PDGFRB: variants seen among roughly 807,000 people sequenced by gnomAD.
PDGFRB encodes the protein platelet-derived growth factor receptor beta.
In PDGFRB, 42 loss-of-function variants were observed where a neutral mutation model predicts 120.2. That is an observed-to-expected ratio of 0.35 (90% CI 0.27 to 0.45). PDGFRB has a LOEUF of 0.45. Ranked by LOEUF, PDGFRB falls within the 20% of genes least tolerant of loss-of-function variation. The pLI is 1.00. For missense variants in PDGFRB, 1,149 were observed against 1,476.3 expected (o/e 0.78, Z 3.63); for synonymous variants, 586 against 606.8 (o/e 0.97, Z 0.50).
At position 150,114,813 on chromosome 5, in the gene PDGFRB, T is replaced by G. The variant is rs1373001274; in HGVS notation, c.*950A>C. The G allele has an allele frequency of 8.6e-6, 2 of 233,470 alleles. No homozygotes were observed. Among genetic ancestry groups the G allele is most frequent in the African/African-American group, 4.4e-5 (2 of 45,318 alleles). 14.5% of individuals were successfully genotyped at this position (233,470 alleles called of 1,614,324 possible). A position where few individuals can be genotyped will look rare whatever the true frequency, so the allele number is the denominator to read the frequency against. ...AGAGTTAATAAGTCCGACTTATTCA[T>G]TTTTTGAAGGGGAAACTGAGGCCCA... is the stretch of plus-strand genomic sequence containing the variant. On this transcript the variant is annotated 3_prime_UTR_variant, in exon 23 of 23. Coordinates refer to ENST00000261799, the MANE Select transcript of PDGFRB (RefSeq NM_002609.4).
chr5:150,121,881 A>G lies in PDGFRB; in HGVS notation c.2343T>C (p.Ser781=). ...TACTATGTCACTATGTCCACCCACC[A>G]GAGGGAACGTAGTTATCGTAAGGGG... ...YMAPYDNYVP[S]APERTCRATL... is the part of the protein sequence containing the mutation. The change falls in exon 16 of 23, where the codon TCT becomes TCC. Residue 781 remains serine (S), a splice_region_variant and synonymous_variant. Transcript: ENST00000261799. The surrounding 1 kb of genome is among the most constrained non-coding windows in gnomAD (Gnocchi z 4.1). 6.2e-7 allele frequency: 1 copy of G among 1,610,158 alleles called. No individual in the cohort carries two copies. The highest frequency in any genetic ancestry group is 8.5e-7 in the Non-Finnish European group (1 of 1,176,472).
In PDGFRB at chr5:150,120,646, C is replaced by G. The variant is rs1286806645; in HGVS notation, c.2586+242G>C. Among the ~76,000 whole-genome samples the G allele has an allele frequency of 1.3e-5, 2 of 152,180 alleles. No homozygotes were observed. Among genetic ancestry groups the G allele is most frequent in the Admixed American group, 6.5e-5 (1 of 15,278 alleles). ...TTCGGCCTGTTCCCCCTTCCCCCAC[C>G]CTGGACCCATTATAGCCAGCCCTCC... On this transcript the variant is annotated intron_variant, in intron 18 of 22. Transcript: ENST00000261799. The surrounding 1 kb of genome is among the most constrained non-coding windows in gnomAD (Gnocchi z 4.3).
chr5:150,135,095 T>C, intron 3 of PDGFRB, 79 bp from the exon 4 acceptor site: 1 of 744,584 alleles, frequency 1.3e-6, no homozygotes, highest in Non-Finnish European at 2.3e-6. Context: ...GGCAAGTCAT[T>C]TGCCATCTCT....
rs181069448 is a variant in PDGFRB at position 150,149,900 on chromosome 5, C to T, written c.-7+5497G>A. Among the ~76,000 whole-genome samples, 28 of 152,226 alleles carry T rather than the reference C, an allele frequency of 1.8e-4. No homozygotes were observed. In the East Asian group the frequency reaches 4.6e-3, roughly 25 times the overall value. On this transcript the variant is annotated intron_variant, in intron 1 of 22. Coordinates refer to ENST00000261799, the MANE Select transcript of PDGFRB (RefSeq NM_002609.4). ...CAGAGCAGCAGCAATGAGGATGTGG[C>T]AAAACAGTCACAAGAAGCATGGTAG...
chr5:150,144,944 T>C (rs1760880766), intron 1 of PDGFRB, among the ~76,000 whole-genome samples: 1 of 151,602 alleles, frequency 6.6e-6, no homozygotes. Context: ...ATAATAATAA[T>C]AGCTACCTCT....
At position 150,155,782 on chromosome 5, in the gene PDGFRB, G is replaced by C; in HGVS notation, c.-392C>G. On this transcript the variant is annotated 5_prime_UTR_variant, in exon 1 of 23. Coordinates refer to ENST00000261799, the MANE Select transcript of PDGFRB (RefSeq NM_002609.4). ...CTCCTCCTTGTTGATCTCCTCTCTGGCTCCAAGTTGCTCACAGAGCGATCC... is the reference window on the plus strand; with the variant it reads ...CTCCTCCTTGTTGATCTCCTCTCTGCCTCCAAGTTGCTCACAGAGCGATCC... The C allele has an allele frequency of 2.5e-6, 1 of 398,260 alleles. No homozygotes were observed. Among genetic ancestry groups the C allele is most frequent in the Non-Finnish European group, 4.4e-6 (1 of 226,014 alleles). 24.7% of individuals were successfully genotyped at this position (398,260 alleles called of 1,614,324 possible).
At chr5:150,144,453 C>A (rs1302118283) in intron 1 of PDGFRB, among the ~76,000 whole-genome samples, 1 of 152,186 alleles carries the variant, frequency 6.6e-6, no homozygotes, top group African/African-American at 2.4e-5. Flanking sequence ...CCCCATGAGG[C>A]CTCCCCAGGG....
chr5:150,132,705 A>G lies in PDGFRB; in HGVS notation c.1127+45T>C, dbSNP rs1760500767. ...AGCCGAGGGCTGCCTGGCGGCTGCA[A>G]AGAAAAATAACTTCAAGAATGGGAT... On this transcript the variant is annotated intron_variant, in intron 7 of 22. Transcript: ENST00000261799. The surrounding 1 kb of genome is among the most constrained non-coding windows in gnomAD (Gnocchi z 5.0). 1 of 1,574,752 alleles carries G rather than the reference A, an allele frequency of 6.4e-7. No individual in the cohort carries two copies. Among genetic ancestry groups the G allele is most frequent in the Non-Finnish European group, 8.6e-7 (1 of 1,156,270 alleles).
chr5:150,129,078 C>T (rs1038343080), intron 10 of PDGFRB, among the ~76,000 whole-genome samples: 22 of 152,166 alleles, frequency 1.4e-4, no homozygotes, highest in African/African-American at 5.3e-4. Context: ...CATTGTACAG[C>T]AGGCACATGT....
chr5:150,146,372 A>G (rs947004082), intron 1 of PDGFRB, among the ~76,000 whole-genome samples: 7 of 152,256 alleles, frequency 4.6e-5, no homozygotes, highest in Non-Finnish European at 1.0e-4. Context: ...TGATCTGGAG[A>G]TTTTGTTTCA....
intron 1 of PDGFRB, among the ~76,000 whole-genome samples, chr5:150,151,428 G>T (rs1010715738): frequency 1.3e-5 from 2 of 152,172 alleles, no homozygotes; most frequent in East Asian, 1.9e-4. Context: ...TGGATCCCCA[G>T]GGGCATCCCA....
At chr5:150,130,039 G>T in intron 9 of PDGFRB, 71 bp from the exon 10 acceptor site, 1 of 1,203,510 alleles carries the variant, frequency 8.3e-7, no homozygotes, top group Non-Finnish European at 1.2e-6. Context: ...AGGAGAAACT[G>T]GTGGAAGGAG....
At chr5:150,124,384 C>T (rs1334443401) in intron 13 of PDGFRB, 24 bp from the exon 14 acceptor site, 2 of 1,559,254 alleles carry the variant, frequency 1.3e-6, no homozygotes, top group Admixed American at 3.3e-5. Context: ...GGGCCCCAGG[C>T]CAGGCCCAGT....
chr5:150,120,198 G>A lies in PDGFRB; in HGVS notation c.2587-75C>T. 2.7e-6 allele frequency: 2 copies of A among 754,154 alleles called. No individual in the cohort carries two copies. Among genetic ancestry groups the A allele is most frequent in the Non-Finnish European group, 4.9e-6 (2 of 406,034 alleles). 46.7% of individuals were successfully genotyped at this position (754,154 alleles called of 1,614,324 possible). A position where few individuals can be genotyped will look rare whatever the true frequency, so the allele number is the denominator to read the frequency against. ...CACTCTGCACCTGGGATGGGAGGAGGGTATCTGGCAGCTCCCACCCACAAC... is the reference window on the plus strand; with the variant it reads ...CACTCTGCACCTGGGATGGGAGGAGAGTATCTGGCAGCTCCCACCCACAAC... On this transcript the variant is annotated intron_variant, in intron 18 of 22. Transcript: ENST00000261799. The surrounding 1 kb of genome is among the most constrained non-coding windows in gnomAD (Gnocchi z 4.3).
chr5:150,139,978 C>CAAA (rs76112327), intron 1 of PDGFRB, among the ~76,000 whole-genome samples: 1 of 107,882 alleles, frequency 9.3e-6, no homozygotes. Flanking sequence ...GACTCTGTCT[C>CAAA]AAAAAAAAAA....
intron 5 of PDGFRB, 43 bp from the exon 6 acceptor site, chr5:150,133,803 C>T (rs756710375): frequency 1.7e-5 from 28 of 1,611,664 alleles, no homozygotes; most frequent in East Asian, 8.9e-5. Context: ...CAGGAGGGGC[C>T]GGGGAGAAAT....
At chr5:150,122,403 G>A (rs1760167390) in intron 15 of PDGFRB, among the ~76,000 whole-genome samples, 3 of 152,200 alleles carry the variant, frequency 2.0e-5, no homozygotes, top group African/African-American at 7.2e-5. Flanking sequence ...GATTCACCCC[G>A]CTACCTATGC....
intron 11 of PDGFRB, 76 bp downstream of exon 11, chr5:150,126,444 A>G: frequency 1.2e-6 from 1 of 838,272 alleles, no homozygotes; most frequent in Non-Finnish European, 2.1e-6. Flanking sequence ...GCAGCATTCA[A>G]GGAGGGCAGA....
rs538220805 is a variant in PDGFRB at position 150,155,554 on chromosome 5, G to C, written c.-164C>G. ...AGAAGGACAGGCAGGACTGGTGCAGGCTCCTGAAGGCTCAGGAGAACAGAG... is the reference window on the plus strand; with the variant it reads ...AGAAGGACAGGCAGGACTGGTGCAGCCTCCTGAAGGCTCAGGAGAACAGAG... On this transcript the variant is annotated 5_prime_UTR_variant, in exon 1 of 23. Transcript: ENST00000261799. 2.5e-6 allele frequency: 1 copy of C among 398,748 alleles called. No homozygotes were observed. Among genetic ancestry groups the C allele is most frequent in the Non-Finnish European group, 4.4e-6 (1 of 226,202 alleles). The allele number at this position is 398,748 out of a possible 1,614,324, so 24.7% of individuals were successfully genotyped here.
Sources: allele counts gnomAD v4.1 joint callset (sites outside exome capture counted in the v4.1 genomes callset), GRCh38; gene constraint gnomAD v4.1.1; non-coding constraint Gnocchi (gnomAD v3.1); transcripts MANE v1.5; gene names NCBI Gene and HGNC (gene_info 2026-07-23, HGNC 2026-07-21).